Variants in NAALADL2 observed in about 807,000 individuals in gnomAD.
NAALADL2 encodes inactive N-acetylated-alpha-linked acidic dipeptidase-like protein 2.
NAALADL2 carries 76 observed loss-of-function variants against 87.2 expected under a neutral mutation model. The ratio of observed to expected loss-of-function variants is 0.87; its 90% confidence interval spans 0.72 to 1.05. The LOEUF is 1.05. Among genes scored for constraint, NAALADL2 ranks in the 50% least tolerant of loss-of-function variants. NAALADL2 has a pLI of 0.00. For missense variants in NAALADL2, 1,089 were observed against 945.8 expected, an observed-to-expected ratio of 1.15 and a Z score of -1.99; for synonymous variants, 354 against 331.0, an observed-to-expected ratio of 1.07 and a Z score of -0.75.
At chr3:175,770,942 A>C (rs1749403589) in intron 13 of NAALADL2, among the ~76,000 whole-genome samples, 1 of 152,206 alleles carries the variant, frequency 6.6e-6, no homozygotes, top group Non-Finnish European at 1.5e-5. Context: ...GCTTTGAACA[A>C]CTAAAGAATA....
rs537931566 is a variant in NAALADL2, at chr3:175,663,146, TTTTTA to T, written c.1896+35786_1896+35790del. ...GTATACATTAGCTCCTGGGCTTGCT[TTTTTA>T]TTTTATTTTATTTTATTTTATTTTA... On this transcript the variant is annotated intron_variant, in intron 11 of 13. Coordinates refer to ENST00000454872, the MANE Select transcript of NAALADL2 (RefSeq NM_207015.3). 7.3e-5 allele frequency among the ~76,000 whole-genome samples: 11 copies of T among 151,204 alleles called. No homozygotes were observed. In the South Asian group the frequency reaches 1.0e-3, roughly 14 times the overall value.
Position 175,664,538 on chromosome 3 carries a change from C to T in NAALADL2, c.1896+37152C>T, listed in dbSNP as rs928788588. ...TAGTGCCTAGAACAGTGTCTGACTCCTGACCACACAGATTGAACATCTGCT... is the reference window on the plus strand; with the variant it reads ...TAGTGCCTAGAACAGTGTCTGACTCTTGACCACACAGATTGAACATCTGCT... On this transcript the variant is annotated intron_variant, in intron 11 of 13. Coordinates refer to ENST00000454872, the MANE Select transcript of NAALADL2 (RefSeq NM_207015.3). Among the ~76,000 whole-genome samples the T allele has an allele frequency of 3.3e-5, 5 of 152,198 alleles. No homozygotes were observed. The East Asian group carries it at 7.7e-4, about 23-fold the overall frequency.
At chr3:175,785,574 C>T (rs1372555913) in intron 13 of NAALADL2, among the ~76,000 whole-genome samples, 1 of 138,608 alleles carries the variant, frequency 7.2e-6, no homozygotes, top group Non-Finnish European at 1.5e-5. Context: ...TTCCTCCATC[C>T]TTTTATTTTG....
intron 1 of NAALADL2, among the ~76,000 whole-genome samples, chr3:175,069,396 A>C (rs1715163052): frequency 6.7e-6 from 1 of 150,084 alleles, no homozygotes; most frequent in African/African-American, 2.5e-5. Flanking sequence ...ATGCAGCCAA[A>C]ACACACATGA....
At chr3:175,159,996 G>A (rs866911414) in intron 2 of NAALADL2, among the ~76,000 whole-genome samples, 36 of 52,024 alleles carry the variant, frequency 6.9e-4, no homozygotes, top group South Asian at 4.8e-3. Flanking sequence ...GCTACCACTC[G>A]TGACTTTTTT....
intron 1 of NAALADL2, among the ~76,000 whole-genome samples, chr3:174,987,568 C>CAAAAAAAAAAAAAA (rs1159602995): frequency 1.9e-4 from 4 of 20,850 alleles, no homozygotes; most frequent in African/African-American, 3.0e-4. Flanking sequence ...GACTCCGTCT[C>CAAAAAAAAAAAAAA]AAAAAAAAAA....
At chr3:175,301,804 A>G (rs993173863) in intron 4 of NAALADL2, among the ~76,000 whole-genome samples, 1 of 152,196 alleles carries the variant, frequency 6.6e-6, no homozygotes, top group African/African-American at 2.4e-5. Context: ...GGATTACTCA[A>G]TAATTTTGAT....
Position 175,097,260 on chromosome 3 carries a change from A to T in NAALADL2, c.514A>T (p.Ile172Phe). The stretch of plus-strand genomic sequence containing the variant: ...GTTATATCAAGAGATTCTCAAGACA[A>T]TCCAGGCAGAAGATATTAAGAAGTC... ...PQLYQEILKT[I>F]QAEDIKKSFR... Residue 172 changes from isoleucine to phenylalanine, a missense_variant, in exon 2 of 14, where the codon ATC becomes TTC. Physicochemically the swap from Ile to Phe is conservative, Grantham distance 21 (BLOSUM62 0). Coordinates refer to ENST00000454872, the MANE Select transcript of NAALADL2 (RefSeq NM_207015.3). 6.2e-7 allele frequency: 1 copy of T among 1,612,278 alleles called. No homozygotes were observed. The highest frequency in any genetic ancestry group is 2.2e-5 in the East Asian group (1 of 44,848).
chr3:175,265,611 G>A (rs1044235509), intron 4 of NAALADL2, among the ~76,000 whole-genome samples: 4 of 151,588 alleles, frequency 2.6e-5, no homozygotes, highest in Non-Finnish European at 4.4e-5. Context: ...TATAAAATAT[G>A]TGGAGGCAGA....
chr3:175,398,351 T>TTTG lies in NAALADL2; in HGVS notation c.1091-48876_1091-48875insGTT, dbSNP rs1560489407. 6.8e-5 allele frequency among the ~76,000 whole-genome samples: 9 copies of TTTG among 131,760 alleles called. 1 individual carries two copies. Among genetic ancestry groups the TTTG allele is most frequent in the African/African-American group, 2.1e-4 (8 of 38,618 alleles). 86.4% of individuals were successfully genotyped at this position (131,760 alleles called of 152,430 possible). A position where few individuals can be genotyped will look rare whatever the true frequency, so the allele number is the denominator to read the frequency against. ...TTAGTGATGCTTCTGCTACTTTTTT[T>TTTG]TTTTTTTTTTTTTTTCCATCCTTTG... On this transcript the variant is annotated intron_variant, in intron 5 of 13. Coordinates refer to ENST00000454872, the MANE Select transcript of NAALADL2 (RefSeq NM_207015.3).
At chr3:175,647,905 C>A (rs904929265) in intron 11 of NAALADL2, among the ~76,000 whole-genome samples, 1 of 152,102 alleles carries the variant, frequency 6.6e-6, no homozygotes, top group Non-Finnish European at 1.5e-5. Flanking sequence ...TATGGGTTTC[C>A]CTTAGAGCAA....
intron 11 of NAALADL2, among the ~76,000 whole-genome samples, chr3:175,730,597 A>C (rs1013045607): frequency 1.2e-4 from 18 of 151,236 alleles, no homozygotes; most frequent in Non-Finnish European, 2.4e-4. Context: ...TCTTTTGACA[A>C]TCTGATCTTG....
chr3:175,485,769 T>A (rs973666362), intron 9 of NAALADL2, among the ~76,000 whole-genome samples: 4 of 152,190 alleles, frequency 2.6e-5, no homozygotes, highest in Admixed American at 6.5e-5. Context: ...GACTCAAATG[T>A]TAATCTCCTT....
At chr3:175,345,500 G>A (rs1348521853) in intron 5 of NAALADL2, among the ~76,000 whole-genome samples, 1 of 152,092 alleles carries the variant, frequency 6.6e-6, no homozygotes, top group African/African-American at 2.4e-5. Context: ...TGATGCAAAG[G>A]AAATTTCTTT....
At position 175,290,900 on chromosome 3, in the gene NAALADL2, C is replaced by T. The variant is rs1049540539; in HGVS notation, c.940-33275C>T. 7.4e-5 allele frequency among the ~76,000 whole-genome samples: 11 copies of T among 148,784 alleles called. 1 individual carries two copies. The highest frequency in any genetic ancestry group is 6.6e-5 in the Admixed American group (1 of 15,222). ...TGAATAGAGAAAGATAATGTGTGTG[C>T]GTGTTTTTTTTCTACTTCTTTGAGT... On this transcript the variant is annotated intron_variant, in intron 4 of 13. Transcript: ENST00000454872.
At chr3:174,771,537 C>T (rs1038323277) in intron 3 of NAALADL2, among the ~76,000 whole-genome samples, 1 of 152,090 alleles carries the variant, frequency 6.6e-6, no homozygotes, top group Non-Finnish European at 1.5e-5. Context: ...GCTAATGTGT[C>T]GGGTGCATGA....
In NAALADL2 at chr3:174,948,338, G is replaced by A. The variant is rs1042459792; in HGVS notation, c.43+88888G>A. ...ACTATAGGCGTGTGCCACCAAACCC[G>A]GCTAATTTTTGTAATTTTAGTAGAG... On this transcript the variant is annotated intron_variant, in intron 1 of 13. Transcript: ENST00000454872. Among the ~76,000 whole-genome samples the A allele has an allele frequency of 2.0e-5, 3 of 151,946 alleles. No individual in the cohort carries two copies. The East Asian group carries it at 5.8e-4, about 29-fold the overall frequency.
intron 2 of NAALADL2, among the ~76,000 whole-genome samples, chr3:175,136,537 C>T (rs1353186785): frequency 1.3e-5 from 2 of 152,118 alleles, no homozygotes; most frequent in Admixed American, 6.6e-5. Context: ...TCAGAGAAAA[C>T]TATGTATTTG....
chr3:175,065,808 A>G (rs1472515519), intron 1 of NAALADL2, among the ~76,000 whole-genome samples: 1 of 152,170 alleles, frequency 6.6e-6, no homozygotes, highest in Admixed American at 6.5e-5. Flanking sequence ...CCCGAGAAAA[A>G]CCTAGCCCTT....
Sources: gnomAD v4.1 joint callset for allele counts (sites outside exome capture counted in the v4.1 genomes callset) on GRCh38, gnomAD v4.1.1 for gene constraint, MANE v1.5 for transcripts, NCBI Gene and HGNC (gene_info 2026-07-23, HGNC 2026-07-21) for gene names.